Variants in DDR2 observed in about 807,000 individuals in gnomAD.
DDR2 encodes the protein discoidin domain receptor tyrosine kinase 2, also known as discoidin domain-containing receptor 2.
DDR2 carries 27 observed loss-of-function variants against 94.9 expected under a neutral mutation model. The ratio of observed to expected loss-of-function variants is 0.28; its 90% CI spans 0.21 to 0.39. The LOEUF is 0.39. Ranked by LOEUF, DDR2 falls within the 10% of genes least tolerant of loss-of-function variation. DDR2 has a pLI of 1.00. For missense variants in DDR2, 783 were observed against 1,076.0 expected (o/e 0.73, Z 3.81); for synonymous variants, 382 against 377.2 (o/e 1.01, Z -0.15).
intron 2 of DDR2, among the ~76,000 whole-genome samples, chr1:162,673,657 G>A (rs940424177): frequency 6.7e-4 from 101 of 151,646 alleles, no homozygotes; most frequent in Middle Eastern, 3.4e-3. Flanking sequence ...CAGCAAGAGA[G>A]AGCCAGAATC....
intron 11 of DDR2, among the ~76,000 whole-genome samples, chr1:162,768,792 C>T (rs540096538): frequency 7.9e-5 from 12 of 152,330 alleles, no homozygotes; most frequent in Non-Finnish European, 1.3e-4. Context: ...ACACTTAAAG[C>T]TTTCAATTCG....
chr1:162,650,333 C>T (rs892226347), intron 1 of DDR2, among the ~76,000 whole-genome samples: 2 of 152,092 alleles, frequency 1.3e-5, no homozygotes, highest in African/African-American at 4.8e-5. Flanking sequence ...TGGTGGCTCA[C>T]GCCTGTAATC....
At chr1:162,672,432 T>C (rs1302578323) in intron 2 of DDR2, among the ~76,000 whole-genome samples, 1 of 151,760 alleles carries the variant, frequency 6.6e-6, no homozygotes, top group Non-Finnish European at 1.5e-5. Context: ...AATAGTTTTT[T>C]GCAAAGTAGT....
Position 162,661,836 on chromosome 1 carries a change from G to T in DDR2, c.-28+6462G>T, listed in dbSNP as rs1658309826. Among the ~76,000 whole-genome samples the T allele has an allele frequency of 2.6e-5, 4 of 152,238 alleles. No homozygotes were observed. The South Asian group carries it at 8.3e-4, about 31-fold the overall frequency. On this transcript the variant is annotated intron_variant, in intron 2 of 17. Transcript: ENST00000367921. ...TCATCCAGAGTTATCTGGGGCCAAA[G>T]AGGTTTAGGGTGAGATTCTGTGGGA...
chr1:162,659,336 C>T (rs1571158350), intron 2 of DDR2, among the ~76,000 whole-genome samples: 2 of 152,138 alleles, frequency 1.3e-5, no homozygotes, highest in African/African-American at 4.8e-5. Context: ...TGACCTAAGC[C>T]TTGGGGGCTA....
chr1:162,673,580 C>CGT (rs1242171816), intron 2 of DDR2, among the ~76,000 whole-genome samples: 48 of 111,554 alleles, frequency 4.3e-4, no homozygotes, highest in African/African-American at 1.3e-3. Context: ...TCATTATGTG[C>CGT]GTGTGTGTGT....
At chr1:162,683,116 C>G (rs929910543) in intron 2 of DDR2, among the ~76,000 whole-genome samples, 1 of 151,976 alleles carries the variant, frequency 6.6e-6, no homozygotes, top group Non-Finnish European at 1.5e-5. Context: ...TTAATTGATG[C>G]AGAAAATTAT....
chr1:162,649,644 G>A (rs1028445752), intron 1 of DDR2, among the ~76,000 whole-genome samples: 1 of 152,182 alleles, frequency 6.6e-6, no homozygotes, highest in Admixed American at 6.5e-5. Context: ...AGAGTAGAGC[G>A]GACAGTGACA....
intron 1 of DDR2, among the ~76,000 whole-genome samples, chr1:162,651,853 C>T (rs10799855): frequency 0.92 from 139,319 of 152,258 alleles, 64,320 homozygotes; most frequent in Middle Eastern, 0.98. Flanking sequence ...TCGTGTCAAG[C>T]TTAGAAATAA....
intron 3 of DDR2, among the ~76,000 whole-genome samples, chr1:162,727,484 A>G (rs1661750208): frequency 6.8e-6 from 1 of 146,562 alleles, no homozygotes; most frequent in African/African-American, 2.5e-5. Context: ...TGTTATATAG[A>G]TATATCTATC....
chr1:162,671,815 A>C (rs1207920231), intron 2 of DDR2, among the ~76,000 whole-genome samples: 1 of 152,166 alleles, frequency 6.6e-6, no homozygotes, highest in African/African-American at 2.4e-5. Flanking sequence ...GTCTCTGATA[A>C]TGTTATCACA....
intron 3 of DDR2, among the ~76,000 whole-genome samples, chr1:162,738,011 G>A (rs1419006740): frequency 4.6e-5 from 7 of 152,004 alleles, no homozygotes; most frequent in African/African-American, 1.7e-4. Context: ...TACTGAATGG[G>A]CAAAAACTGG....
rs1663725683 is a variant in DDR2 at position 162,761,262 on chromosome 1, C to T, written c.907C>T (p.Gln303Ter). The T allele has an allele frequency of 2.5e-6, 4 of 1,614,144 alleles. No individual in the cohort carries two copies. The highest frequency in any genetic ancestry group is 3.4e-6 in the Non-Finnish European group (4 of 1,180,018). ...AKGVKIFKEV[Q>*]CYFRSEASEW... Reference sequence around the variant, plus strand: ...AGGTGTGAAGATCTTTAAGGAGGTACAGTGCTACTTCCGCTCTGAAGCCAG... The same window carrying T: ...AGGTGTGAAGATCTTTAAGGAGGTATAGTGCTACTTCCGCTCTGAAGCCAG... The change falls in exon 9 of 18, where the codon CAG (glutamine) becomes TAG (stop). Residue 303 changes from glutamine to a stop codon, truncating the protein, a stop_gained. Transcript: ENST00000367921. LOFTEE classifies it high-confidence loss of function.
chr1:162,663,494 G>A (rs543564733), intron 2 of DDR2, among the ~76,000 whole-genome samples: 1 of 152,310 alleles, frequency 6.6e-6, no homozygotes, highest in Non-Finnish European at 1.5e-5. Flanking sequence ...ACAAAGAACT[G>A]CTGCAGATAT....
intron 3 of DDR2, among the ~76,000 whole-genome samples, chr1:162,739,288 A>C (rs1011683940): frequency 6.6e-6 from 1 of 151,884 alleles, no homozygotes; most frequent in African/African-American, 2.4e-5. Context: ...CCCATCAAAA[A>C]GTGGGCAAAG....
chr1:162,667,948 T>C (rs1658662801), intron 2 of DDR2, among the ~76,000 whole-genome samples: 1 of 152,018 alleles, frequency 6.6e-6, no homozygotes, highest in Non-Finnish European at 1.5e-5. Flanking sequence ...ACTCAGAGCA[T>C]TGGAGAGAGG....
At chr1:162,729,098 C>A (rs898602148) in intron 3 of DDR2, among the ~76,000 whole-genome samples, 87 of 150,700 alleles carry the variant, frequency 5.8e-4, no homozygotes, top group Middle Eastern at 3.4e-3. Flanking sequence ...CAGTTTCTAT[C>A]AAGCAGATGA....
Position 162,777,199 on chromosome 1 carries a change from T to G in DDR2, c.2283+829T>G, listed in dbSNP as rs59840209. Among the ~76,000 whole-genome samples, 437 of 152,296 alleles carry G rather than the reference T, an allele frequency of 2.9e-3. 7 individuals are homozygous for G. Among genetic ancestry groups the G allele is most frequent in the African/African-American group, 1.0e-2 (415 of 41,586 alleles). Reference sequence around the variant, plus strand: ...AACCACTATCAATACTTTGGTATATTTTCTTAGAGGATTTTTTTCTATACA... The same window carrying G: ...AACCACTATCAATACTTTGGTATATGTTCTTAGAGGATTTTTTTCTATACA... On this transcript the variant is annotated intron_variant, in intron 16 of 17. Coordinates refer to ENST00000367921, the MANE Select transcript of DDR2 (RefSeq NM_006182.4).
At chr1:162,710,553 T>C (rs924428592) in intron 2 of DDR2, among the ~76,000 whole-genome samples, 3 of 152,250 alleles carry the variant, frequency 2.0e-5, no homozygotes, top group Admixed American at 2.0e-4. Flanking sequence ...CATTTCTGCA[T>C]ATTTGTTTGC....
Sources: gnomAD v4.1 joint callset for allele counts (sites outside exome capture counted in the v4.1 genomes callset) on GRCh38, gnomAD v4.1.1 for gene constraint, MANE v1.5 for transcripts, NCBI Gene and HGNC (gene_info 2026-07-23, HGNC 2026-07-21) for gene names.